Variants in KCNT2 observed in about 807,000 individuals in gnomAD.
KCNT2 encodes the protein potassium channel subfamily T member 2.
KCNT2 carries 67 observed loss-of-function variants against 153.8 expected under a neutral mutation model. That is an observed-to-expected ratio of 0.44 (90% CI 0.36 to 0.53). The LOEUF is 0.53. Ranked by LOEUF, KCNT2 falls within the 20% of genes least tolerant of loss-of-function variation. The pLI, the probability that KCNT2 is intolerant of heterozygous loss-of-function variation, is 0.00. For missense variants in KCNT2, 975 were observed against 1,354.8 expected (o/e 0.72, Z 4.40); for synonymous variants, 500 against 458.8 (o/e 1.09, Z -1.15).
At chr1:196,332,876 C>T (rs1024747313) in intron 17 of KCNT2, among the ~76,000 whole-genome samples, 1 of 151,566 alleles carries the variant, frequency 6.6e-6, no homozygotes, top group Non-Finnish European at 1.5e-5. Context: ...CCTCCACCTC[C>T]TGCGTTCAAG....
intron 12 of KCNT2, among the ~76,000 whole-genome samples, chr1:196,419,802 G>T (rs575899132): frequency 1.3e-5 from 2 of 151,478 alleles, no homozygotes; most frequent in Non-Finnish European, 2.9e-5. Context: ...TTCTCCTATT[G>T]TTCCTCTTCC....
chr1:196,246,072 A>C (rs1273598140), intron 26 of KCNT2, among the ~76,000 whole-genome samples: 1 of 152,220 alleles, frequency 6.6e-6, no homozygotes, highest in Non-Finnish European at 1.5e-5. Flanking sequence ...AAGATCGAGA[A>C]TAAAGAAAGG....
At chr1:196,298,199 A>G (rs1029275011) in intron 22 of KCNT2, among the ~76,000 whole-genome samples, 11 of 152,140 alleles carry the variant, frequency 7.2e-5, no homozygotes, top group African/African-American at 2.4e-4. Flanking sequence ...TCCTACAATT[A>G]AGTGCAATTG....
At chr1:196,492,134 A>G (rs537131892) in intron 2 of KCNT2, 128 bp downstream of exon 2, 1 of 931,446 alleles carries the variant, frequency 1.1e-6, no homozygotes, top group African/African-American at 1.8e-5. Flanking sequence ...TTATTCCTCT[A>G]CCACCTGCTG....
At chr1:196,498,719 T>A (rs983404053) in intron 1 of KCNT2, among the ~76,000 whole-genome samples, 1 of 152,222 alleles carries the variant, frequency 6.6e-6, no homozygotes, top group Non-Finnish European at 1.5e-5. Flanking sequence ...ATCCTGCTAA[T>A]TCCGTGTTTG....
intron 14 of KCNT2, among the ~76,000 whole-genome samples, chr1:196,343,318 T>C (rs1665843480): frequency 6.6e-6 from 1 of 152,206 alleles, no homozygotes; most frequent in South Asian, 2.1e-4. Context: ...AAAAATTCAA[T>C]TTATGAGAAA....
At chr1:196,280,590 A>T (rs983301274) in intron 25 of KCNT2, among the ~76,000 whole-genome samples, 2 of 152,164 alleles carry the variant, frequency 1.3e-5, no homozygotes, top group African/African-American at 4.8e-5. Context: ...CTTCCAAAAC[A>T]GCTAATCCTA....
At position 196,469,030 on chromosome 1, in the gene KCNT2, G is replaced by T. The variant is rs866376673; in HGVS notation, c.423C>A (p.Ile141=). Residue 141 remains isoleucine, a synonymous_variant, in exon 6 of 28, where the codon ATC becomes ATA. Transcript: ENST00000294725. ...AGGGAACTGCATTAATTATTTCCAA[G>T]ATGAAGGGTATTCGTAAAATCTGTT... The part of the protein sequence containing the change: ...IWEQILRIPF[I]LEIINAVPFI... 6.2e-7 allele frequency: 1 copy of T among 1,602,618 alleles called. No homozygotes were observed.
intron 1 of KCNT2, among the ~76,000 whole-genome samples, chr1:196,584,971 G>A (rs551074930): frequency 4.6e-5 from 7 of 152,060 alleles, no homozygotes; most frequent in Non-Finnish European, 8.8e-5. Context: ...TGGGTCCCAT[G>A]AAAAAGAGTC....
intron 1 of KCNT2, among the ~76,000 whole-genome samples, chr1:196,496,834 C>T (rs773860602): frequency 6.2e-4 from 94 of 152,292 alleles, no homozygotes; most frequent in Non-Finnish European, 1.2e-3. Flanking sequence ...ATTCACCTAA[C>T]TTGCACGTTT....
At chr1:196,316,181 A>G (rs984539766) in intron 20 of KCNT2, among the ~76,000 whole-genome samples, 155 bp from the exon 21 acceptor site, 7 of 151,820 alleles carry the variant, frequency 4.6e-5, no homozygotes, top group Non-Finnish European at 5.9e-5. Flanking sequence ...GGGAATTATG[A>G]TACAATATTA....
At chr1:196,570,194 A>G (rs945193781) in intron 1 of KCNT2, among the ~76,000 whole-genome samples, 3 of 152,092 alleles carry the variant, frequency 2.0e-5, no homozygotes, top group African/African-American at 7.2e-5. Flanking sequence ...AACAGTAACA[A>G]CAGCAAGAAT....
intron 1 of KCNT2, among the ~76,000 whole-genome samples, chr1:196,526,478 G>A (rs1455561543): frequency 6.7e-6 from 1 of 149,654 alleles, no homozygotes; most frequent in Non-Finnish European, 1.5e-5. Context: ...TTTTTGAGAT[G>A]GAGTCTTGCT....
chr1:196,317,920 C>G (rs1349034591), intron 20 of KCNT2, among the ~76,000 whole-genome samples: 2 of 151,586 alleles, frequency 1.3e-5, no homozygotes, highest in Non-Finnish European at 2.9e-5. Context: ...AATAATATTT[C>G]TGAACCATGT....
At chr1:196,584,457 A>T (rs1662434227) in intron 1 of KCNT2, among the ~76,000 whole-genome samples, 1 of 152,120 alleles carries the variant, frequency 6.6e-6, no homozygotes, top group Non-Finnish European at 1.5e-5. Flanking sequence ...TAACAAATGG[A>T]TGAACTCTCC....
intron 1 of KCNT2, among the ~76,000 whole-genome samples, chr1:196,547,268 C>T (rs10922083): frequency 0.25 from 38,294 of 151,550 alleles, 5,704 homozygotes; most frequent in East Asian, 0.36. Flanking sequence ...CAATTATACC[C>T]CTAAATAGGA....
intron 14 of KCNT2, among the ~76,000 whole-genome samples, chr1:196,369,592 T>C (rs568932473): frequency 6.6e-6 from 1 of 151,932 alleles, no homozygotes; most frequent in Non-Finnish European, 1.5e-5. Context: ...TTTTTGTTCC[T>C]GCGATAGTTT....
At chr1:196,295,208 A>T (rs1470396388) in intron 22 of KCNT2, among the ~76,000 whole-genome samples, 1 of 151,768 alleles carries the variant, frequency 6.6e-6, no homozygotes. Context: ...GTCAATTAAA[A>T]ATAAAAATAT....
At chr1:196,441,492 T>G (rs1470760760) in intron 8 of KCNT2, among the ~76,000 whole-genome samples, 1 of 151,448 alleles carries the variant, frequency 6.6e-6, no homozygotes, top group African/African-American at 2.4e-5. Flanking sequence ...AGACAGAAAT[T>G]ATCTAAGGCT....
Sources: gnomAD v4.1 joint callset for allele counts (sites outside exome capture counted in the v4.1 genomes callset) on GRCh38, gnomAD v4.1.1 for gene constraint, MANE v1.5 for transcripts, NCBI Gene and HGNC (gene_info 2026-07-23, HGNC 2026-07-21) for gene names.